TRIO: variants seen among roughly 807,000 people sequenced by gnomAD.
The protein encoded by TRIO is triple functional domain protein.
In TRIO, 58 loss-of-function variants were observed where a neutral mutation model predicts 351.9. That is an observed-to-expected ratio of 0.16 (90% CI 0.13 to 0.21). TRIO has a LOEUF of 0.21. TRIO is among the 10% of genes least tolerant of loss of function. The pLI is 1.00. For synonymous variants in TRIO, 1,758 were observed against 1,595.7 expected (o/e 1.10, Z -2.42); for missense variants, 3,201 against 4,027.8 (o/e 0.79, Z 5.56).
At chr5:14,278,858 G>C (rs1581512728) in intron 2 of TRIO, among the ~76,000 whole-genome samples, 1 of 152,162 alleles carries the variant, frequency 6.6e-6, no homozygotes, top group Admixed American at 6.5e-5. Context: ...AGTTATCTCT[G>C]TGACATTTTT....
chr5:14,287,981 A>G (rs923262972), intron 4 of TRIO, among the ~76,000 whole-genome samples: 8 of 152,172 alleles, frequency 5.3e-5, no homozygotes, highest in African/African-American at 1.9e-4. Flanking sequence ...GCACAGGTGT[A>G]TTACTTGGAT....
intron 1 of TRIO, among the ~76,000 whole-genome samples, chr5:14,175,129 A>G (rs1050073488): frequency 2.0e-5 from 3 of 152,228 alleles, no homozygotes; most frequent in Admixed American, 2.0e-4. Context: ...GAAGAGCTTC[A>G]TAAGTTTCAC....
At chr5:14,272,227 C>A (rs1426871102) in intron 2 of TRIO, among the ~76,000 whole-genome samples, 5 of 152,204 alleles carry the variant, frequency 3.3e-5, no homozygotes, top group East Asian at 3.8e-4. Flanking sequence ...TTAGAGGTAT[C>A]TGTAAGGAAG....
intron 54 of TRIO, 147 bp downstream of exon 54, chr5:14,502,804 T>G: frequency 2.5e-6 from 2 of 808,268 alleles, no homozygotes; most frequent in Non-Finnish European, 3.9e-6. Context: ...CTCATTGCCT[T>G]TAGACGCTAA....
intron 1 of TRIO, among the ~76,000 whole-genome samples, chr5:14,159,231 A>C (rs757586587): frequency 6.6e-6 from 1 of 151,996 alleles, no homozygotes; most frequent in African/African-American, 2.4e-5. Flanking sequence ...GGGATTGTGG[A>C]TAAGATTTGA....
At chr5:14,328,287 T>A (rs1205001001) in intron 9 of TRIO, among the ~76,000 whole-genome samples, 1 of 152,064 alleles carries the variant, frequency 6.6e-6, no homozygotes, top group South Asian at 2.1e-4. Context: ...AACAATGAGC[T>A]CAATACGCTA....
intron 43 of TRIO, among the ~76,000 whole-genome samples, chr5:14,480,722 CTG>C (rs879502422): frequency 1.3e-5 from 2 of 152,186 alleles, no homozygotes; most frequent in African/African-American, 2.4e-5. Flanking sequence ...TGGTCTGACT[CTG>C]TGTACTGCAG....
intron 10 of TRIO, among the ~76,000 whole-genome samples, chr5:14,336,293 TCA>T (rs1741410337): frequency 1.3e-5 from 2 of 152,206 alleles, no homozygotes; most frequent in Non-Finnish European, 2.9e-5. Flanking sequence ...AGATAGTCCA[TCA>T]CTACCTTCAA....
In TRIO at chr5:14,386,598, T is replaced by C. The variant is rs1049489172; in HGVS notation, c.3571-840T>C. Among the ~76,000 whole-genome samples the C allele has an allele frequency of 1.1e-4, 16 of 152,306 alleles. No individual in the cohort carries two copies. In the East Asian group the frequency reaches 2.9e-3, roughly 28 times the overall value. ...GAGTAACTCACTTATTTGAAAACAC[T>C]ATAACAAAGGAAGCCTAATAGTAAT... is the stretch of plus-strand genomic sequence containing the variant. On this transcript the variant is annotated intron_variant, in intron 21 of 56. Coordinates refer to ENST00000344204, the MANE Select transcript of TRIO (RefSeq NM_007118.4).
chr5:14,201,256 A>C (rs1020211011), intron 1 of TRIO, among the ~76,000 whole-genome samples: 1 of 152,186 alleles, frequency 6.6e-6, no homozygotes, highest in Non-Finnish European at 1.5e-5. Flanking sequence ...GCGAAACTCC[A>C]TCTCAAAAAA....
chr5:14,182,099 ATTT>A (rs61476674), intron 1 of TRIO, among the ~76,000 whole-genome samples: 3 of 150,710 alleles, frequency 2.0e-5, no homozygotes, highest in East Asian at 1.9e-4. Context: ...TTTGAAGGGC[ATTT>A]TTTTTTTTTC....
At chr5:14,489,612 C>A (rs1356374652) in intron 48 of TRIO, among the ~76,000 whole-genome samples, 2 of 152,204 alleles carry the variant, frequency 1.3e-5, no homozygotes, top group Admixed American at 1.3e-4. Context: ...ATAGCCTGGA[C>A]ACATTCCCAT....
chr5:14,497,121 C>G lies in TRIO; in HGVS notation c.8019+104C>G, dbSNP rs941721494. On this transcript the variant is annotated intron_variant, in intron 50 of 56. Coordinates refer to ENST00000344204, the MANE Select transcript of TRIO (RefSeq NM_007118.4). This position sits in a 1 kb window ranked among gnomAD's most constrained non-coding sequence, Gnocchi z 4.4. ...CTGAAGCTGGGCTTGCTTATGACCT[C>G]CCTCCCACCCACCAGCCCCGTGCCC... 3.4e-5 allele frequency: 51 copies of G among 1,484,906 alleles called. No individual in the cohort carries two copies. In the South Asian group the frequency reaches 4.1e-4, roughly 12 times the overall value. 92.0% of individuals were successfully genotyped at this position (1,484,906 alleles called of 1,614,324 possible).
intron 15 of TRIO, among the ~76,000 whole-genome samples, chr5:14,365,425 T>C (rs1178578898): frequency 1.3e-5 from 2 of 152,128 alleles, no homozygotes; most frequent in African/African-American, 4.8e-5. Flanking sequence ...GGAGGGGACT[T>C]AAGATGCCTC....
intron 9 of TRIO, among the ~76,000 whole-genome samples, chr5:14,325,454 AAGG>A (rs945914995): frequency 6.6e-6 from 1 of 152,154 alleles, no homozygotes; most frequent in South Asian, 2.1e-4. Flanking sequence ...GCAAGAGAAA[AAGG>A]AGGGAGGTGC....
intron 3 of TRIO, among the ~76,000 whole-genome samples, chr5:14,282,806 C>G (rs533779466): frequency 6.6e-6 from 1 of 152,300 alleles, no homozygotes; most frequent in Non-Finnish European, 1.5e-5. Context: ...CTCTTCATGT[C>G]AGTACCTAGG....
chr5:14,381,366 C>A, intron 21 of TRIO, 114 bp downstream of exon 21: 1 of 1,307,470 alleles, frequency 7.6e-7, no homozygotes, highest in Non-Finnish European at 1.0e-6. Flanking sequence ...GTGGGCTGTT[C>A]CACATTAACT....
At position 14,330,871 on chromosome 5, in the gene TRIO, C is replaced by T. The variant is rs1246353846; in HGVS notation, c.1825C>T (p.Arg609Cys). 1 of 1,613,952 alleles carries T rather than the reference C, an allele frequency of 6.2e-7. No homozygotes were observed. The highest frequency in any genetic ancestry group is 2.2e-5 in the East Asian group (1 of 44,888). Residue 609 changes from arginine to cysteine, a missense_variant, in exon 10 of 57, where the codon CGT becomes TGT. This residue lies in a region of TRIO where 38 missense variants were observed against 93.4 expected (regional missense o/e 0.41). Coordinates refer to ENST00000344204, the MANE Select transcript of TRIO (RefSeq NM_007118.4). Reference sequence around the variant, plus strand: ...TCATCGGGCCAGAGCATTGCAGAAACGTCATGAAGATTTTGAAGAAGTGGC... The same window carrying T: ...TCATCGGGCCAGAGCATTGCAGAAATGTCATGAAGATTTTGAAGAAGTGGC... ...SLHRARALQK[R>C]HEDFEEVAQN...
In TRIO at chr5:14,155,615, A is replaced by G. The variant is rs1788060624; in HGVS notation, c.157+11733A>G. Among the ~76,000 whole-genome samples the G allele has an allele frequency of 1.3e-5, 2 of 152,178 alleles. 1 individual carries two copies. Among genetic ancestry groups the G allele is most frequent in the South Asian group, 4.1e-4 (2 of 4,828 alleles). On this transcript the variant is annotated intron_variant, in intron 1 of 56. Coordinates refer to ENST00000344204, the MANE Select transcript of TRIO (RefSeq NM_007118.4). ...TAGTTTTGACGATTACATGGTGGTT[A>G]TTTTAAAGACTACCTCCCAGTTTGG...
Sources: gnomAD v4.1 joint callset for allele counts (sites outside exome capture counted in the v4.1 genomes callset) on GRCh38, gnomAD v4.1.1 for gene constraint, gnomAD v4.1.1 regional missense constraint, Gnocchi (gnomAD v3.1) non-coding constraint, MANE v1.5 for transcripts, NCBI Gene and HGNC (gene_info 2026-07-23, HGNC 2026-07-21) for gene names.